The following WWOX variants were observed in gnomAD, a reference collection of about 807,000 sequenced individuals.
The protein encoded by WWOX is WW domain containing oxidoreductase, also known as WW domain-containing oxidoreductase.
Under a neutral mutation model 46.2 loss-of-function variants are expected in WWOX, and 69 were observed. That is an observed-to-expected ratio of 1.49 (90% confidence interval 1.23 to 1.82). The LOEUF (loss-of-function observed/expected upper bound fraction) is 1.82, where lower values mean the gene tolerates loss of function less well. WWOX is among the 40% of genes most tolerant of loss of function. The pLI is 0.00. For missense variants in WWOX, 919 were observed against 542.6 expected (o/e 1.69, Z -6.89); for synonymous variants, 359 against 202.6 (o/e 1.77, Z -6.56).
intron 8 of WWOX, among the ~76,000 whole-genome samples, chr16:79,080,977 T>G (rs2048749906): frequency 6.6e-6 from 1 of 152,164 alleles, no homozygotes; most frequent in African/African-American, 2.4e-5. Flanking sequence ...TGAAAAGATT[T>G]TTATACCTCC....
chr16:78,192,491 C>CAAAAAAAAAAAAA (rs56109773), intron 5 of WWOX, among the ~76,000 whole-genome samples: 2 of 87,520 alleles, frequency 2.3e-5, no homozygotes, highest in African/African-American at 4.6e-5. Flanking sequence ...GACTCCGTCT[C>CAAAAAAAAAAAAA]AAAAAAAAAA....
intron 6 of WWOX, among the ~76,000 whole-genome samples, chr16:78,409,897 C>T (rs2082636992): frequency 6.6e-6 from 1 of 152,210 alleles, no homozygotes; most frequent in African/African-American, 2.4e-5. Flanking sequence ...TGTGATGACA[C>T]TGTGCTTACC....
chr16:79,113,852 A>G (rs957669464), intron 8 of WWOX, among the ~76,000 whole-genome samples: 3 of 152,184 alleles, frequency 2.0e-5, no homozygotes, highest in East Asian at 1.9e-4. Context: ...CTTAATGACA[A>G]TTTGCTTTCT....
chr16:78,469,082 G>A (rs117416686), intron 8 of WWOX, among the ~76,000 whole-genome samples: 5 of 152,232 alleles, frequency 3.3e-5, no homozygotes, highest in East Asian at 1.9e-4. Context: ...GGCCTTACTC[G>A]TTTTCAAATA....
intron 5 of WWOX, among the ~76,000 whole-genome samples, chr16:78,275,787 A>G (rs1430326526): frequency 6.6e-6 from 1 of 152,184 alleles, no homozygotes; most frequent in Non-Finnish European, 1.5e-5. Flanking sequence ...CAGTCTCAGA[A>G]AAAATCCAGT....
chr16:78,988,893 C>T (rs1319417448), intron 8 of WWOX, among the ~76,000 whole-genome samples: 3 of 152,136 alleles, frequency 2.0e-5, no homozygotes, highest in African/African-American at 7.2e-5. Context: ...CTCTGGTGGG[C>T]AGTCAGGCAA....
Position 78,357,414 on chromosome 16 carries a change from G to A in WWOX, c.517-29446G>A, listed in dbSNP as rs370819387. On this transcript the variant is annotated intron_variant, in intron 5 of 8. Coordinates refer to ENST00000566780, the MANE Select transcript of WWOX (RefSeq NM_016373.4). The stretch of plus-strand genomic sequence containing the variant: ...CTGCATAGCCACTTCTCTTTCCAGT[G>A]GTGTTTGTATTTTGGTTCATTCAAT... Among the ~76,000 whole-genome samples the A allele has an allele frequency of 1.2e-4, 19 of 152,194 alleles. No homozygotes were observed. The South Asian group carries it at 3.7e-3, about 30-fold the overall frequency.
intron 8 of WWOX, among the ~76,000 whole-genome samples, chr16:79,161,120 T>C (rs995645082): frequency 2.0e-5 from 3 of 152,320 alleles, no homozygotes; most frequent in Admixed American, 6.5e-5. Context: ...TGAAATAGGT[T>C]TGCCATGGAT....
intron 6 of WWOX, among the ~76,000 whole-genome samples, chr16:78,423,739 G>T (rs902780080): frequency 6.6e-6 from 1 of 151,752 alleles, no homozygotes; most frequent in African/African-American, 2.4e-5. Context: ...CCAGTTACTC[G>T]GGAGGCTAAG....
chr16:79,101,884 A>G (rs1326134188), intron 8 of WWOX: 2 of 151,380 alleles, frequency 1.3e-5, no homozygotes, highest in African/African-American at 4.9e-5. Context: ...GAGAGAGTGG[A>G]AGGCTTTCAT....
intron 8 of WWOX, among the ~76,000 whole-genome samples, chr16:79,150,687 C>T (rs1396341445): frequency 6.6e-6 from 1 of 152,098 alleles, no homozygotes; most frequent in Admixed American, 6.5e-5. Context: ...GGTGTCACGT[C>T]GTTGCCCAGG....
chr16:79,199,369 G>A (rs1253119930), intron 8 of WWOX, among the ~76,000 whole-genome samples: 2 of 152,090 alleles, frequency 1.3e-5, no homozygotes, highest in Admixed American at 6.5e-5. Flanking sequence ...GGCCTCTCCT[G>A]TCTTTAACTG....
chr16:78,946,030 C>T (rs939700819), intron 8 of WWOX, among the ~76,000 whole-genome samples: 4 of 152,132 alleles, frequency 2.6e-5, no homozygotes, highest in African/African-American at 9.7e-5. Flanking sequence ...ATCTGCATAG[C>T]ACTTCGCAAT....
At chr16:79,206,928 T>A (rs1295813110) in intron 8 of WWOX, among the ~76,000 whole-genome samples, 2 of 152,154 alleles carry the variant, frequency 1.3e-5, no homozygotes, top group Admixed American at 1.3e-4. Context: ...CAAGTGGCCT[T>A]TTGGAGCAGT....
intron 8 of WWOX, among the ~76,000 whole-genome samples, chr16:78,546,581 C>G (rs959697631): frequency 6.6e-6 from 1 of 152,186 alleles, no homozygotes; most frequent in African/African-American, 2.4e-5. Context: ...CTCAAAACTT[C>G]TGGATACCTG....
chr16:78,363,447 A>T (rs564445333), intron 5 of WWOX, among the ~76,000 whole-genome samples: 846 of 6,918 alleles, frequency 0.12, 9 homozygotes, highest in Middle Eastern at 0.38. Flanking sequence ...CTGATTATTT[A>T]AAAAAAAATT....
intron 5 of WWOX, among the ~76,000 whole-genome samples, chr16:78,344,327 T>A (rs117412149): frequency 0.026 from 3,111 of 120,736 alleles, 973 homozygotes; most frequent in Middle Eastern, 0.12. Context: ...AAATCTGCAT[T>A]TGTCAATTTT....
chr16:78,153,062 T>G (rs2034472064), intron 4 of WWOX, among the ~76,000 whole-genome samples: 1 of 152,200 alleles, frequency 6.6e-6, no homozygotes, highest in South Asian at 2.1e-4. Flanking sequence ...TTTTGTAAGT[T>G]CTTAAGATTT....
chr16:78,409,705 A>G (rs908821582), intron 6 of WWOX, among the ~76,000 whole-genome samples: 1 of 152,198 alleles, frequency 6.6e-6, no homozygotes, highest in East Asian at 1.9e-4. Context: ...TTGGGCTAAA[A>G]TTAAGGTGTC....
Sources: gnomAD v4.1 joint callset for allele counts (sites outside exome capture counted in the v4.1 genomes callset) on GRCh38, gnomAD v4.1.1 for gene constraint, MANE v1.5 for transcripts, NCBI Gene and HGNC (gene_info 2026-07-23, HGNC 2026-07-21) for gene names.